Variants in CENPP observed in about 807,000 individuals in gnomAD.
CENPP encodes centromere protein P.
A neutral mutation model predicts 35.6 loss-of-function variants in CENPP; 24 were observed. The ratio of observed to expected loss-of-function variants is 0.67; its 90% CI spans 0.49 to 0.95. The LOEUF (loss-of-function observed/expected upper bound fraction) is 0.95, where lower values mean the gene tolerates loss of function less well. Ranked by LOEUF, CENPP falls within the 40% of genes least tolerant of loss-of-function variation. The probability of loss-of-function intolerance (pLI) is 0.00; values close to 1 mark genes in which losing one functional copy is unlikely to be tolerated. For missense variants in CENPP, 332 were observed against 345.3 expected (o/e 0.96, Z 0.31); for synonymous variants, 120 against 125.5 (o/e 0.96, Z 0.29).
chr9:92,602,475 G>C (rs546060433), intron 5 of CENPP, among the ~76,000 whole-genome samples: 32 of 152,280 alleles, frequency 2.1e-4, no homozygotes, highest in Admixed American at 3.9e-4. Context: ...CTCCAAACCT[G>C]GCATCAACTC....
intron 5 of CENPP, among the ~76,000 whole-genome samples, chr9:92,525,257 G>T (rs998736737): frequency 6.6e-6 from 1 of 151,884 alleles, no homozygotes; most frequent in African/African-American, 2.4e-5. Context: ...GTTCAAGGTT[G>T]CAGTGAGCAA....
At chr9:92,326,141 G>T in intron 1 of CENPP, 36 bp downstream of exon 1, 1 of 1,400,346 alleles carries the variant, frequency 7.1e-7, no homozygotes, top group Non-Finnish European at 9.7e-7. Flanking sequence ...GGGCCCGCTG[G>T]CCAGGGTTCC....
intron 5 of CENPP, chr9:92,536,774 C>A (rs1849183397): frequency 6.6e-6 from 1 of 152,118 alleles, no homozygotes; most frequent in Non-Finnish European, 1.5e-5. Flanking sequence ...AGGGTGATAC[C>A]TTTCAAATTT....
intron 5 of CENPP, among the ~76,000 whole-genome samples, chr9:92,607,718 G>A (rs1851121494): frequency 6.6e-6 from 1 of 152,190 alleles, no homozygotes; most frequent in South Asian, 2.1e-4. Context: ...ATTTAAGTGG[G>A]AGACATAGCA....
chr9:92,515,209 G>GACCA, intron 5 of CENPP: 1 of 1,546,302 alleles, frequency 6.5e-7, no homozygotes, highest in Non-Finnish European at 8.7e-7. Context: ...GGAGACTAAT[G>GACCA]ACCACGCAAG....
In CENPP at chr9:92,440,383, A is replaced by AAATAAATAAATC. The variant is rs1336594042; in HGVS notation, c.564+60527_564+60528insAAATAAATCAAT. 6.9e-3 allele frequency among the ~76,000 whole-genome samples: 1,044 copies of AAATAAATAAATC among 151,862 alleles called. 4 individuals are homozygous for AAATAAATAAATC. The highest frequency in any genetic ancestry group is 0.011 in the Non-Finnish European group (754 of 67,904). ...TAAATAAATAAATAAATAAATAAAT[A>AAATAAATAAATC]AATCACAAGAAAACTCATCATGTTT... On this transcript the variant is annotated intron_variant, in intron 5 of 7. Coordinates refer to ENST00000375587, the MANE Select transcript of CENPP (RefSeq NM_001012267.3).
Position 92,484,465 on chromosome 9 carries a change from T to A in CENPP, c.564+104606T>A, listed in dbSNP as rs1846007977. 2.0e-5 allele frequency among the ~76,000 whole-genome samples: 3 copies of A among 152,240 alleles called. No individual in the cohort carries two copies. The South Asian group carries it at 6.2e-4, about 32-fold the overall frequency. The stretch of plus-strand genomic sequence containing the variant: ...GTAGTTCATTCTTGTCACTGTATAG[T>A]ATTCTCATACATGAATAAGCCACAA... On this transcript the variant is annotated intron_variant, in intron 5 of 7. Coordinates refer to ENST00000375587, the MANE Select transcript of CENPP (RefSeq NM_001012267.3).
chr9:92,548,512 T>TAGTA (rs1231203162), intron 5 of CENPP, among the ~76,000 whole-genome samples: 2 of 152,190 alleles, frequency 1.3e-5, no homozygotes, highest in African/African-American at 4.8e-5. Context: ...AACACAAATG[T>TAGTA]AGTACATCAA....
intron 4 of CENPP, among the ~76,000 whole-genome samples, chr9:92,346,198 T>C (rs1361706492): frequency 2.0e-5 from 3 of 152,190 alleles, no homozygotes; most frequent in African/African-American, 7.2e-5. Flanking sequence ...TTTTTGTATT[T>C]TTTTTTAAAT....
rs561142470 is a variant in CENPP at position 92,355,533 on chromosome 9, A to G, written c.467+9746A>G. The stretch of plus-strand genomic sequence containing the variant: ...TTTGAAGGCTGAATTATTTGAGAGA[A>G]AATCAAACCATTTCTTTTAGACCAA... On this transcript the variant is annotated intron_variant, in intron 4 of 7. Coordinates refer to ENST00000375587, the MANE Select transcript of CENPP (RefSeq NM_001012267.3). 8.5e-5 allele frequency among the ~76,000 whole-genome samples: 13 copies of G among 152,290 alleles called. No homozygotes were observed. In the South Asian group the frequency reaches 2.7e-3, roughly 32 times the overall value.
intron 5 of CENPP, chr9:92,416,587 C>T (rs1843619239): frequency 1.6e-6 from 2 of 1,285,242 alleles, no homozygotes; most frequent in Admixed American, 2.4e-5. Context: ...TCCATTCTTT[C>T]TCTCTTCAAA....
chr9:92,504,807 G>A (rs1846897382), intron 5 of CENPP, among the ~76,000 whole-genome samples: 1 of 152,192 alleles, frequency 6.6e-6, no homozygotes, highest in Non-Finnish European at 1.5e-5. Flanking sequence ...CCAGAGTGCT[G>A]GGATTACTGG....
chr9:92,469,014 T>C (rs1033481255), intron 5 of CENPP, among the ~76,000 whole-genome samples: 2 of 152,198 alleles, frequency 1.3e-5, no homozygotes, highest in Non-Finnish European at 2.9e-5. Flanking sequence ...TTATTATTCT[T>C]GTGGTTATCT....
chr9:92,509,841 A>C (rs1185673025), intron 5 of CENPP: 2 of 1,497,300 alleles, frequency 1.3e-6, no homozygotes, highest in Admixed American at 2.6e-5. Flanking sequence ...AAATTTCTAC[A>C]GGACTATATA....
intron 5 of CENPP, among the ~76,000 whole-genome samples, chr9:92,422,562 TAAG>T (rs1265367793): frequency 6.6e-6 from 1 of 152,230 alleles, no homozygotes; most frequent in Non-Finnish European, 1.5e-5. Flanking sequence ...TGTGAGCACC[TAAG>T]AAGAAAGTCT....
intron 5 of CENPP, among the ~76,000 whole-genome samples, chr9:92,546,413 G>A (rs542742724): frequency 6.6e-6 from 1 of 152,304 alleles, no homozygotes; most frequent in Admixed American, 6.5e-5. Context: ...GGTCCACGCT[G>A]ACTTTATGAG....
At chr9:92,600,388 G>GT in intron 5 of CENPP, 2 of 1,601,712 alleles carry the variant, frequency 1.2e-6, no homozygotes, top group Non-Finnish European at 8.5e-7. Context: ...TTCCAGTAGA[G>GT]TGGGTCTCTT....
At chr9:92,449,230 A>G (rs1014939722) in intron 5 of CENPP, among the ~76,000 whole-genome samples, 1 of 152,160 alleles carries the variant, frequency 6.6e-6, no homozygotes, top group African/African-American at 2.4e-5. Flanking sequence ...ACACGAGGTC[A>G]GGAGATCGAG....
chr9:92,547,464 T>C (rs1274839388), intron 5 of CENPP, among the ~76,000 whole-genome samples: 2 of 152,254 alleles, frequency 1.3e-5, no homozygotes, highest in Non-Finnish European at 2.9e-5. Context: ...GGGAATATTA[T>C]TTGGTAATAA....
Sources: gnomAD v4.1 joint callset for allele counts (sites outside exome capture counted in the v4.1 genomes callset) on GRCh38, gnomAD v4.1.1 for gene constraint, MANE v1.5 for transcripts, NCBI Gene and HGNC (gene_info 2026-07-23, HGNC 2026-07-21) for gene names.